RUNX1: variants seen among roughly 807,000 people sequenced by gnomAD.
The protein encoded by RUNX1 is runt-related transcription factor 1.
A neutral mutation model predicts 42.8 loss-of-function variants in RUNX1; 19 were observed. The observed-to-expected ratio is 0.44, with a 90% CI of 0.31 to 0.65. The LOEUF is 0.65. Among genes scored for constraint, RUNX1 ranks in the 30% least tolerant of loss-of-function variants. RUNX1 has a pLI of 0.07. For synonymous variants in RUNX1, 271 were observed against 289.4 expected, an observed-to-expected ratio of 0.94 and a Z score of 0.64; for missense variants, 528 against 672.0, an observed-to-expected ratio of 0.79 and a Z score of 2.37.
At chr21:34,818,037 CA>C (rs2145984830) in intron 7 of RUNX1, among the ~76,000 whole-genome samples, 1 of 152,352 alleles carries the variant, frequency 6.6e-6, no homozygotes, top group African/African-American at 2.4e-5. Context: ...GAGCTGGGGA[CA>C]AAGTCCCCTC....
chr21:34,799,156 A>G (rs2056572359), intron 8 of RUNX1, 145 bp downstream of exon 8: 1 of 847,370 alleles, frequency 1.2e-6, no homozygotes, highest in Non-Finnish European at 2.0e-6. Flanking sequence ...AAATCAGTGC[A>G]TGGGCATGGG....
At chr21:34,832,409 C>A (rs781107325) in intron 7 of RUNX1, among the ~76,000 whole-genome samples, 7 of 152,128 alleles carry the variant, frequency 4.6e-5, no homozygotes, top group Non-Finnish European at 8.8e-5. Context: ...AATTTTCCCC[C>A]ATGTGGCTGA....
chr21:34,963,003 C>T (rs1371255407), intron 2 of RUNX1, among the ~76,000 whole-genome samples: 2 of 152,198 alleles, frequency 1.3e-5, no homozygotes, highest in Non-Finnish European at 2.9e-5. Context: ...ACTTTGTTCT[C>T]AATGAGTTTT....
chr21:34,937,742 C>G (rs1214687397), intron 2 of RUNX1, among the ~76,000 whole-genome samples: 1 of 151,598 alleles, frequency 6.6e-6, no homozygotes, highest in East Asian at 1.9e-4. Flanking sequence ...TACCCTGTTG[C>G]CTGGGTGCAG....
intron 2 of RUNX1, among the ~76,000 whole-genome samples, chr21:34,905,747 TC>T (rs1213184109): frequency 1.3e-5 from 2 of 152,180 alleles, no homozygotes; most frequent in Non-Finnish European, 2.9e-5. Context: ...AGTTAATACT[TC>T]CTTGGTTTTT....
At chr21:34,801,250 C>T (rs2056603280) in intron 7 of RUNX1, among the ~76,000 whole-genome samples, 1 of 151,858 alleles carries the variant, frequency 6.6e-6, no homozygotes, top group Non-Finnish European at 1.5e-5. Flanking sequence ...TGTCATAAAG[C>T]CCCCCGGGGT....
chr21:34,821,378 G>A, intron 7 of RUNX1: 1 of 1,246,302 alleles, frequency 8.0e-7, no homozygotes, highest in Non-Finnish European at 1.0e-6. Flanking sequence ...ACTTTGTGAA[G>A]GATTAATAAA....
intron 2 of RUNX1, among the ~76,000 whole-genome samples, chr21:34,922,865 T>C (rs1435744153): frequency 1.3e-5 from 2 of 152,232 alleles, no homozygotes; most frequent in Admixed American, 6.5e-5. Context: ...ACTGAATAAG[T>C]ATCTACCATT....
chr21:35,048,368 G>T (rs903442320), intron 2 of RUNX1, among the ~76,000 whole-genome samples: 1 of 152,178 alleles, frequency 6.6e-6, no homozygotes, highest in African/African-American at 2.4e-5. Context: ...TCCGCCTCCT[G>T]CCCCACACTG....
chr21:34,945,340 AG>A (rs1416641127), intron 2 of RUNX1, among the ~76,000 whole-genome samples: 1 of 152,230 alleles, frequency 6.6e-6, no homozygotes, highest in Admixed American at 6.5e-5. Flanking sequence ...AAACATGCTC[AG>A]GCTTGCCCAA....
At chr21:34,834,108 C>T (rs895345727) in intron 7 of RUNX1, 2 of 599,616 alleles carry the variant, frequency 3.3e-6, no homozygotes, top group African/African-American at 1.8e-5. Context: ...TTAAAAAATT[C>T]AAGAGAGCTA....
At position 34,846,273 on chromosome 21, in the gene RUNX1, T is replaced by C. The variant is rs534870363; in HGVS notation, c.614-11672A>G. Among the ~76,000 whole-genome samples the C allele has an allele frequency of 1.2e-4, 17 of 147,092 alleles. No homozygotes were observed. The East Asian group carries it at 3.3e-3, about 29-fold the overall frequency. ...AGGAAGATTTCCCCTACTTAGAGCA[T>C]GTCACTCTGGCGTGGACCTTCATTC... On this transcript the variant is annotated intron_variant, in intron 6 of 8. Coordinates refer to ENST00000675419, the MANE Select transcript of RUNX1 (RefSeq NM_001754.5).
At position 35,041,475 on chromosome 21, in the gene RUNX1, G is replaced by A. The variant is rs150865004; in HGVS notation, c.58+7367C>T. ...TTTAAAAAGAAGTCCATCAAAAAAT[G>A]GACACATATGGACCATGGCATGGGA... On this transcript the variant is annotated intron_variant, in intron 2 of 8. Transcript: ENST00000675419. 2.6e-3 allele frequency among the ~76,000 whole-genome samples: 397 copies of A among 152,110 alleles called. 4 individuals carry two copies. Among genetic ancestry groups the A allele is most frequent in the African/African-American group, 8.9e-3 (368 of 41,394 alleles).
chr21:34,857,425 T>C (rs1183755869), intron 6 of RUNX1, among the ~76,000 whole-genome samples: 1 of 152,224 alleles, frequency 6.6e-6, no homozygotes, highest in South Asian at 2.1e-4. Flanking sequence ...AATAACTTTG[T>C]TATTTCTTTG....
intron 7 of RUNX1, among the ~76,000 whole-genome samples, chr21:34,813,906 C>T (rs1293230373): frequency 2.0e-5 from 3 of 152,034 alleles, no homozygotes; most frequent in Non-Finnish European, 2.9e-5. Context: ...CTATTCTCCA[C>T]AGCAGATAGC....
In RUNX1 at chr21:35,036,263, A is replaced by G; in HGVS notation, c.58+12579T>C. On this transcript the variant is annotated intron_variant, in intron 2 of 8. Transcript: ENST00000675419. ...AGAAAAGCAGGTTCCTTTCCTAAGG[A>G]GCTTTATGATTTTATTATATTATTA... 1.3e-5 allele frequency among the ~76,000 whole-genome samples: 2 copies of G among 152,144 alleles called. 1 individual carries two copies.
chr21:34,864,223 CA>C (rs2057623056), intron 5 of RUNX1, among the ~76,000 whole-genome samples: 1 of 152,228 alleles, frequency 6.6e-6, no homozygotes, highest in South Asian at 2.1e-4. Flanking sequence ...TGCCTCGGGG[CA>C]CACGTGTTAT....
At chr21:35,009,854 C>A (rs2059112824) in intron 2 of RUNX1, among the ~76,000 whole-genome samples, 2 of 152,070 alleles carry the variant, frequency 1.3e-5, no homozygotes, top group Non-Finnish European at 2.9e-5. Context: ...GGAGCTTGGG[C>A]CTAATACTTC....
intron 2 of RUNX1, among the ~76,000 whole-genome samples, chr21:34,902,301 C>T (rs2058183410): frequency 6.6e-6 from 1 of 152,032 alleles, no homozygotes; most frequent in Admixed American, 6.5e-5. Context: ...AACTGCAGAC[C>T]AGCTTGATAA....
Sources: allele counts gnomAD v4.1 joint callset (sites outside exome capture counted in the v4.1 genomes callset), GRCh38; gene constraint gnomAD v4.1.1; transcripts MANE v1.5; gene names NCBI Gene and HGNC (gene_info 2026-07-23, HGNC 2026-07-21).